Variants in KIAA1217 observed in about 807,000 individuals in gnomAD.
KIAA1217 encodes the protein KIAA1217, also known as sickle tail protein homolog.
KIAA1217 carries 88 observed loss-of-function variants against 163.9 expected under a neutral mutation model. That is an observed-to-expected ratio of 0.54 (90% confidence interval 0.45 to 0.64). KIAA1217 has a LOEUF of 0.64. Among genes scored for constraint, KIAA1217 ranks in the 30% least tolerant of loss-of-function variants. The probability of loss-of-function intolerance (pLI) is 0.00; values close to 1 mark genes in which losing one functional copy is unlikely to be tolerated. For synonymous variants in KIAA1217, 903 were observed against 923.1 expected (o/e 0.98, Z 0.39); for missense variants, 2,372 against 2,475.0 (o/e 0.96, Z 0.88).
At chr10:24,250,493 C>T (rs941035009) in intron 2 of KIAA1217, among the ~76,000 whole-genome samples, 10 of 150,962 alleles carry the variant, frequency 6.6e-5, no homozygotes, top group Non-Finnish European at 1.2e-4. Flanking sequence ...AGTGCAGTGG[C>T]GCAATCTCGG....
intron 1 of KIAA1217, among the ~76,000 whole-genome samples, chr10:23,808,173 G>A (rs1184885626): frequency 6.6e-6 from 1 of 152,192 alleles, no homozygotes; most frequent in African/African-American, 2.4e-5. Context: ...TGGGAGAAAT[G>A]AGTAGGCCTC....
chr10:23,883,492 G>A (rs1841041271), intron 1 of KIAA1217, among the ~76,000 whole-genome samples: 1 of 151,794 alleles, frequency 6.6e-6, no homozygotes. Context: ...GCAGCTTTAG[G>A]TTCATAGCAA....
intron 2 of KIAA1217, among the ~76,000 whole-genome samples, chr10:24,155,697 C>T (rs990815552): frequency 3.9e-5 from 6 of 152,018 alleles, no homozygotes; most frequent in Non-Finnish European, 8.8e-5. Flanking sequence ...TGGCGGGCAC[C>T]TGTAATCCCA....
At position 24,501,096 on chromosome 10, in the gene KIAA1217, A is replaced by AAAAAC. The variant is rs57471437; in HGVS notation, c.1835-282_1835-281insAAACA. On this transcript the variant is annotated intron_variant, in intron 8 of 20. Coordinates refer to ENST00000376454, the MANE Select transcript of KIAA1217 (RefSeq NM_019590.5). The stretch of plus-strand genomic sequence containing the variant: ...GAAAAAAAAATTAAAATAAAAAAAA[A>AAAAAC]ATAAACAAAATTGATCAATTGATAG... 3.4e-3 allele frequency among the ~76,000 whole-genome samples: 513 copies of AAAAAC among 151,576 alleles called. 2 individuals carry two copies. Among genetic ancestry groups the AAAAAC allele is most frequent in the African/African-American group, 0.012 (494 of 41,272 alleles).
intron 1 of KIAA1217, among the ~76,000 whole-genome samples, chr10:23,704,172 G>GTGTGTGTGTGTGTGTA (rs1229370789): frequency 2.0e-4 from 8 of 39,948 alleles, no homozygotes; most frequent in African/African-American, 1.1e-3. Flanking sequence ...GTGTGTGTGT[G>GTGTGTGTGTGTGTGTA]TATATATATA....
intron 2 of KIAA1217, among the ~76,000 whole-genome samples, chr10:24,281,889 C>G (rs766207937): frequency 7.9e-5 from 12 of 152,106 alleles, no homozygotes; most frequent in Non-Finnish European, 1.3e-4. Flanking sequence ...AATCCCATCT[C>G]TACTAAAAAT....
Position 23,944,990 on chromosome 10 carries a change from C to T in KIAA1217, c.-320-62235C>T, listed in dbSNP as rs150596358. ...AGGAGAATCGCTGGAACCTGGGAGG[C>T]GGAGGTTGCAGTGAGAAGTGATCAT... On this transcript the variant is annotated intron_variant, in intron 1 of 18. Coordinates refer to the KIAA1217 transcript ENST00000376462. Among the ~76,000 whole-genome samples the T allele has an allele frequency of 4.6e-3, 675 of 146,616 alleles. 7 individuals are homozygous for T. The highest frequency in any genetic ancestry group is 0.023 in the South Asian group (106 of 4,568).
At chr10:24,336,751 T>G (rs2046399879) in intron 2 of KIAA1217, among the ~76,000 whole-genome samples, 3 of 152,210 alleles carry the variant, frequency 2.0e-5, no homozygotes, top group Admixed American at 2.0e-4. Context: ...GAATATGGTT[T>G]TTTAAAAAGT....
intron 2 of KIAA1217, among the ~76,000 whole-genome samples, chr10:24,041,417 T>A (rs1848627722): frequency 6.6e-6 from 1 of 152,226 alleles, no homozygotes; most frequent in Non-Finnish European, 1.5e-5. Context: ...TATTGTTTTT[T>A]GTAAAGCACG....
intron 1 of KIAA1217, among the ~76,000 whole-genome samples, chr10:23,899,086 G>A (rs777002603): frequency 5.6e-4 from 85 of 152,002 alleles, no homozygotes; most frequent in Non-Finnish European, 8.2e-4. Context: ...TGTTTCCTGG[G>A]TTGGCTGATT....
intron 16 of KIAA1217, among the ~76,000 whole-genome samples, chr10:24,534,024 C>G (rs190066261): frequency 1.1e-3 from 174 of 152,270 alleles, no homozygotes; most frequent in Non-Finnish European, 2.0e-3. Flanking sequence ...TAGGATTTTT[C>G]TGTCAATCAG....
At chr10:24,179,438 G>A (rs1255675529) in intron 2 of KIAA1217, among the ~76,000 whole-genome samples, 1 of 152,072 alleles carries the variant, frequency 6.6e-6, no homozygotes, top group Non-Finnish European at 1.5e-5. Context: ...GCTCTGCTAT[G>A]TGAAGATGTG....
intron 2 of KIAA1217, among the ~76,000 whole-genome samples, chr10:24,258,182 T>TAAAA (rs149467195): frequency 1.7e-5 from 1 of 57,540 alleles, no homozygotes; most frequent in African/African-American, 7.1e-5. Flanking sequence ...CCCTGTCCCC[T>TAAAA]CAACCTAACT....
chr10:24,497,781 T>G (rs1325485827), intron 8 of KIAA1217, among the ~76,000 whole-genome samples: 2 of 131,052 alleles, frequency 1.5e-5, no homozygotes, highest in Non-Finnish European at 1.6e-5. Context: ...GTGGTGCCAC[T>G]GGCTACAATT....
intron 2 of KIAA1217, among the ~76,000 whole-genome samples, chr10:24,176,312 T>G (rs897644634): frequency 7.2e-5 from 11 of 152,102 alleles, no homozygotes; most frequent in Non-Finnish European, 1.0e-4. Flanking sequence ...TGCTGATTGG[T>G]GCATTTACAA....
intron 1 of KIAA1217, among the ~76,000 whole-genome samples, chr10:23,777,907 A>G (rs1237056209): frequency 6.6e-6 from 1 of 152,150 alleles, no homozygotes; most frequent in Non-Finnish European, 1.5e-5. Flanking sequence ...TTAAGAAGTC[A>G]CTGACTACCA....
intron 2 of KIAA1217, among the ~76,000 whole-genome samples, chr10:24,342,903 G>A (rs114857091): frequency 0.04 from 6,149 of 151,894 alleles, 410 homozygotes; most frequent in African/African-American, 0.14. Context: ...GGGATCCGCC[G>A]ACCTCTGCCT....
intron 1 of KIAA1217, among the ~76,000 whole-genome samples, chr10:23,825,908 A>G (rs1204608976): frequency 1.3e-5 from 2 of 152,194 alleles, no homozygotes; most frequent in Admixed American, 1.3e-4. Context: ...AGCAGTATCA[A>G]CCTGGGGTGG....
Position 24,355,728 on chromosome 10 carries a change from C to CTT in KIAA1217, c.355-25104_355-25103dup, listed in dbSNP as rs869211148. Among the ~76,000 whole-genome samples, 66 of 32,214 alleles carry CTT rather than the reference C, an allele frequency of 2.0e-3. 28 individuals are homozygous for CTT. Among genetic ancestry groups the CTT allele is most frequent in the East Asian group, 3.9e-3 (4 of 1,020 alleles). 21.1% of individuals were successfully genotyped at this position (32,214 alleles called of 152,430 possible). ...GAGATGAGCATAGCAAGTCCTCACT[C>CTT]TTTTTTTTTTTTTTTTTTTTTTTTT... On this transcript the variant is annotated intron_variant, in intron 2 of 20. Transcript: ENST00000376454.
Sources: allele counts gnomAD v4.1 joint callset (sites outside exome capture counted in the v4.1 genomes callset), GRCh38; gene constraint gnomAD v4.1.1; transcripts MANE v1.5; gene names NCBI Gene and HGNC (gene_info 2026-07-23, HGNC 2026-07-21).